The following MTMR8 variants were observed in gnomAD, a reference collection of about 807,000 sequenced individuals.
The protein encoded by MTMR8 is myotubularin related protein 8.
In MTMR8, 65 loss-of-function variants were observed where a neutral mutation model predicts 39.3. That is an observed-to-expected ratio of 1.65 (90% CI 1.35 to 2.03). The LOEUF (loss-of-function observed/expected upper bound fraction) is 2.03. Among genes scored for constraint, MTMR8 ranks in the 30% most tolerant of loss-of-function variants. The pLI is 0.00. For synonymous variants in MTMR8, 245 were observed against 185.2 expected (o/e 1.32, Z -2.62); for missense variants, 777 against 538.9 (o/e 1.44, Z -4.37).
chrX:64,333,082 A>G (rs1333617580), intron 10 of MTMR8, among the ~76,000 whole-genome samples: 1 of 111,569 alleles, frequency 9.0e-6, no homozygotes, highest in Non-Finnish European at 1.9e-5. Context: ...AAATCCAACC[A>G]CAGATCAGCC....
intron 12 of MTMR8, among the ~76,000 whole-genome samples, chrX:64,273,875 A>G (rs893278482): frequency 8.9e-6 from 1 of 111,957 alleles, no homozygotes; most frequent in Non-Finnish European, 1.9e-5. Flanking sequence ...AATTTTATAT[A>G]ATGACGAAAG....
intron 12 of MTMR8, among the ~76,000 whole-genome samples, chrX:64,296,950 T>A (rs765754791): frequency 0.011 from 1,156 of 103,333 alleles, 18 homozygotes; most frequent in African/African-American, 0.039. Flanking sequence ...ATGGTGTATA[T>A]GTGCCACATT....
At chrX:64,319,154 T>G (rs570580807) in intron 12 of MTMR8, among the ~76,000 whole-genome samples, 3 of 112,679 alleles carry the variant, frequency 2.7e-5, no homozygotes, top group South Asian at 7.3e-4. Flanking sequence ...TCACCAAAAA[T>G]GGTGGAGTAG....
At chrX:64,303,076 T>C (rs1043463944) in intron 12 of MTMR8, among the ~76,000 whole-genome samples, 7 of 112,521 alleles carry the variant, frequency 6.2e-5, no homozygotes, top group African/African-American at 2.3e-4. Flanking sequence ...TTATCAGATG[T>C]AAAATCCTTC....
At chrX:64,358,932 T>G (rs1923701504) in intron 2 of MTMR8, among the ~76,000 whole-genome samples, 1 of 108,622 alleles carries the variant, frequency 9.2e-6, no homozygotes, top group Non-Finnish European at 1.9e-5. Flanking sequence ...TGGTCTAAAT[T>G]AGTGTTGCCC....
intron 1 of MTMR8, among the ~76,000 whole-genome samples, chrX:64,378,401 TG>T (rs1234428492): frequency 1.8e-5 from 2 of 111,332 alleles, no homozygotes; most frequent in African/African-American, 6.5e-5. Flanking sequence ...TTTAACTTTT[TG>T]TAGAGAAAAG....
rs1602125501 is a variant in MTMR8, at chrX:64,312,986, C to T, written c.1481+15786G>A. The stretch of plus-strand genomic sequence containing the variant: ...AGGCTTTTTTGTTCTATTTATAGAG[C>T]ACAGGCAGAATAGATTTATTATAAT... On this transcript the variant is annotated intron_variant, in intron 12 of 13. Transcript: ENST00000374852. 3.6e-5 allele frequency among the ~76,000 whole-genome samples: 4 copies of T among 112,225 alleles called. No individual in the cohort carries two copies. In the Admixed American group the frequency reaches 3.8e-4, roughly 11 times the overall value.
intron 12 of MTMR8, among the ~76,000 whole-genome samples, chrX:64,303,537 A>C: frequency 8.9e-6 from 1 of 112,371 alleles, no homozygotes; most frequent in Non-Finnish European, 1.9e-5. Context: ...TCTTATAGCA[A>C]ACTGTGGTTC....
intron 9 of MTMR8, among the ~76,000 whole-genome samples, chrX:64,336,406 T>G (rs758579631): frequency 2.0e-4 from 22 of 110,025 alleles, no homozygotes; most frequent in Non-Finnish European, 3.2e-4. Flanking sequence ...GCAATCCTGA[T>G]AAGCACGATA....
chrX:64,381,165 G>A (rs1200432504), intron 1 of MTMR8, among the ~76,000 whole-genome samples: 6 of 111,787 alleles, frequency 5.4e-5, no homozygotes, highest in Admixed American at 1.9e-4. Flanking sequence ...CTGAGGAATC[G>A]CCACACTGAA....
rs1923063645 is a variant in MTMR8 at position 64,336,010 on chromosome X, G to A, written c.1151+69C>T. The A allele has an allele frequency of 5.2e-6, 4 of 776,045 alleles. No individual in the cohort carries two copies. The South Asian group carries it at 1.1e-4, about 22-fold the overall frequency. 64.0% of individuals were successfully genotyped at this position (776,045 alleles called of 1,213,427 possible). ...CTTCCTTCCTTTACATGTACATACTGAGGTTTTGATATACTTCACCCTAAT... is the reference window on the plus strand; with the variant it reads ...CTTCCTTCCTTTACATGTACATACTAAGGTTTTGATATACTTCACCCTAAT... On this transcript the variant is annotated intron_variant, in intron 10 of 13. Coordinates refer to ENST00000374852, the MANE Select transcript of MTMR8 (RefSeq NM_017677.4).
chrX:64,319,646 T>G (rs1485275269), intron 12 of MTMR8, among the ~76,000 whole-genome samples: 1 of 111,902 alleles, frequency 8.9e-6, no homozygotes, highest in Admixed American at 9.5e-5. Context: ...CCCAGCACCA[T>G]TTATTAAATA....
At chrX:64,316,317 C>T (rs893148500) in intron 12 of MTMR8, among the ~76,000 whole-genome samples, 1 of 112,126 alleles carries the variant, frequency 8.9e-6, no homozygotes, top group Non-Finnish European at 1.9e-5. Flanking sequence ...CGTTTTATTT[C>T]ATCTGAGAAT....
chrX:64,325,679 A>G (rs1922770088), intron 12 of MTMR8, among the ~76,000 whole-genome samples: 1 of 112,400 alleles, frequency 8.9e-6, no homozygotes, highest in Non-Finnish European at 1.9e-5. Flanking sequence ...CACAGCTAAC[A>G]CCATATTGAA....
In MTMR8 at chrX:64,268,790, G is replaced by T. The variant is rs766711649; in HGVS notation, c.1862C>A (p.Ala621Asp). The change falls in exon 14 of 14, where the codon GCC becomes GAC. Residue 621 changes from alanine (A) to aspartate (D), a missense_variant. Coordinates refer to ENST00000374852, the MANE Select transcript of MTMR8 (RefSeq NM_017677.4). The stretch of plus-strand genomic sequence containing the variant: ...GCCCACATCCCCAGAGATATTTATG[G>T]CCCTAAGGCTGCCCACAATCTCACA... ...NCCEIVGSLRAINISGDVGIS... is the reference protein window; with the variant it reads ...NCCEIVGSLRDINISGDVGIS... The T allele has an allele frequency of 1.1e-5, 13 of 1,209,648 alleles. No individual in the cohort carries two copies. Among genetic ancestry groups the T allele is most frequent in the South Asian group, 3.5e-5 (2 of 56,772 alleles).
chrX:64,347,365 C>T (rs1204809322), intron 6 of MTMR8, among the ~76,000 whole-genome samples: 1 of 111,962 alleles, frequency 8.9e-6, no homozygotes, highest in Admixed American at 9.5e-5. Flanking sequence ...AAGATACAGA[C>T]TCGATTAAAC....
chrX:64,358,483 C>A (rs1214604476), intron 2 of MTMR8, among the ~76,000 whole-genome samples: 1 of 111,767 alleles, frequency 8.9e-6, no homozygotes, highest in Non-Finnish European at 1.9e-5. Context: ...ATTCTTGTAT[C>A]TTGACTTTTT....
intron 12 of MTMR8, among the ~76,000 whole-genome samples, chrX:64,318,005 C>T (rs1442697864): frequency 2.7e-5 from 3 of 112,230 alleles, no homozygotes; most frequent in Non-Finnish European, 5.6e-5. Context: ...CATGTGACCT[C>T]CAATGACAAC....
At chrX:64,299,854 G>C (rs1437863257) in intron 12 of MTMR8, among the ~76,000 whole-genome samples, 1 of 89,895 alleles carries the variant, frequency 1.1e-5, no homozygotes, top group African/African-American at 4.2e-5. Flanking sequence ...AGTCATTCAG[G>C]AGCAGGTTGT....
Sources: gnomAD v4.1 joint callset for allele counts (sites outside exome capture counted in the v4.1 genomes callset) on GRCh38, gnomAD v4.1.1 for gene constraint, MANE v1.5 for transcripts, NCBI Gene and HGNC (gene_info 2026-07-23, HGNC 2026-07-21) for gene names.